The following PREX2 variants were observed in gnomAD, a reference collection of about 807,000 sequenced individuals.
The protein encoded by PREX2 is phosphatidylinositol 3,4,5-trisphosphate-dependent Rac exchanger 2 protein.
PREX2 carries 107 observed loss-of-function variants against 203.2 expected under a neutral mutation model. That is an observed-to-expected ratio of 0.53 (90% CI 0.45 to 0.62). PREX2 has a LOEUF of 0.62. Ranked by LOEUF, PREX2 falls within the 20% of genes least tolerant of loss-of-function variation. PREX2 has a pLI of 0.00. For missense variants in PREX2, 1,777 were observed against 1,955.9 expected (o/e 0.91, Z 1.72); for synonymous variants, 672 against 663.6 (o/e 1.01, Z -0.19).
intron 21 of PREX2, among the ~76,000 whole-genome samples, chr8:68,096,517 T>C (rs1331114496): frequency 6.6e-6 from 1 of 152,186 alleles, no homozygotes; most frequent in Non-Finnish European, 1.5e-5. Context: ...ATTTTCTCAA[T>C]GAGCCCTCTC....
intron 1 of PREX2, among the ~76,000 whole-genome samples, chr8:68,003,842 CTTTTTTT>C (rs148890144): frequency 3.3e-5 from 3 of 90,610 alleles, no homozygotes; most frequent in African/African-American, 4.3e-5. Context: ...CTGGCCTGAC[CTTTTTTT>C]TTTTTTTTTT....
intron 1 of PREX2, among the ~76,000 whole-genome samples, chr8:67,962,913 T>G (rs1055223828): frequency 6.6e-6 from 1 of 152,158 alleles, no homozygotes; most frequent in East Asian, 1.9e-4. Context: ...TGGCCAATTT[T>G]ATATATTTTA....
chr8:68,146,187 A>G (rs1414877764), intron 33 of PREX2, 22 bp from the exon 34 acceptor site: 1 of 1,564,144 alleles, frequency 6.4e-7, no homozygotes, highest in African/African-American at 1.4e-5. Context: ...AGGAAGTAAT[A>G]TACTATTAAA....
intron 37 of PREX2, among the ~76,000 whole-genome samples, chr8:68,194,216 T>C (rs13439155): frequency 0.11 from 16,010 of 152,264 alleles, 1,049 homozygotes; most frequent in Non-Finnish European, 0.13. Flanking sequence ...GTGCCAGCAC[T>C]GTTCTAGTTG....
At chr8:68,146,447 A>G in intron 34 of PREX2, 95 bp downstream of exon 34, 1 of 1,123,428 alleles carries the variant, frequency 8.9e-7, no homozygotes, top group Non-Finnish European at 1.3e-6. Flanking sequence ...GGATTTTTAA[A>G]TTAATTTGAA....
At chr8:68,111,748 C>A (rs573923928) in intron 25 of PREX2, among the ~76,000 whole-genome samples, 2 of 152,252 alleles carry the variant, frequency 1.3e-5, no homozygotes, top group African/African-American at 4.8e-5. Context: ...TAAAACAGTA[C>A]AATTATTTTA....
intron 35 of PREX2, among the ~76,000 whole-genome samples, chr8:68,189,738 C>A (rs1174288970): frequency 2.0e-5 from 3 of 152,144 alleles, no homozygotes; most frequent in Non-Finnish European, 4.4e-5. Flanking sequence ...CCCACACTCC[C>A]ATCAGTGTTA....
chr8:68,082,999 T>C (rs1434502656), intron 17 of PREX2: 2 of 363,702 alleles, frequency 5.5e-6, no homozygotes, highest in Non-Finnish European at 1.0e-5. Context: ...GGATGTTAAG[T>C]CAGGGAGGGA....
At chr8:68,161,097 C>CTT (rs536376762) in intron 35 of PREX2, among the ~76,000 whole-genome samples, 29 of 149,840 alleles carry the variant, frequency 1.9e-4, no homozygotes, top group African/African-American at 6.6e-4. Context: ...TTCTTTCTTT[C>CTT]TTTTTTTTTG....
intron 37 of PREX2, 62 bp downstream of exon 37, chr8:68,192,587 G>A: frequency 1.5e-6 from 2 of 1,355,570 alleles, no homozygotes; most frequent in Middle Eastern, 2.7e-4. Flanking sequence ...GATGGTTTTT[G>A]TTTACATTTT....
intron 1 of PREX2, among the ~76,000 whole-genome samples, chr8:67,994,590 C>G (rs1806710733): frequency 6.6e-6 from 1 of 152,042 alleles, no homozygotes. Context: ...CATAAAAGAA[C>G]AGTGGAGAAA....
At chr8:68,109,738 T>A (rs1321482885) in intron 25 of PREX2, 115 bp downstream of exon 25, 7 of 817,188 alleles carry the variant, frequency 8.6e-6, no homozygotes, top group Non-Finnish European at 1.4e-5. Flanking sequence ...AGATTTGTGC[T>A]GATTATATAG....
intron 25 of PREX2, among the ~76,000 whole-genome samples, chr8:68,114,113 C>A (rs936337914): frequency 2.0e-5 from 3 of 152,132 alleles, no homozygotes; most frequent in African/African-American, 7.2e-5. Context: ...CCACCCACCT[C>A]GGCCTCCCAA....
At chr8:68,166,027 T>C (rs922531116) in intron 35 of PREX2, among the ~76,000 whole-genome samples, 17 of 152,298 alleles carry the variant, frequency 1.1e-4, no homozygotes, top group Non-Finnish European at 2.1e-4. Flanking sequence ...AAACCTCTGC[T>C]ATAGACAGGG....
rs369074931 is a variant in PREX2, at chr8:68,190,868, T to C, written c.4347-854T>C. On this transcript the variant is annotated intron_variant, in intron 35 of 39. Transcript: ENST00000288368. ...TAACTATTTTATCTCCATAGATGAT[T>C]CCCTTAAAATTTCTGTTTAGTATCG... 1.6e-4 allele frequency among the ~76,000 whole-genome samples: 25 copies of C among 151,934 alleles called. 1 individual carries two copies. In the East Asian group the frequency reaches 4.4e-3, roughly 27 times the overall value.
At chr8:67,986,553 C>T (rs1806432823) in intron 1 of PREX2, among the ~76,000 whole-genome samples, 1 of 152,182 alleles carries the variant, frequency 6.6e-6, no homozygotes, top group African/African-American at 2.4e-5. Context: ...CCTCTGAGTC[C>T]TCTGTAATAC....
intron 35 of PREX2, among the ~76,000 whole-genome samples, chr8:68,168,337 G>T (rs140430770): frequency 2.1e-4 from 32 of 152,246 alleles, no homozygotes; most frequent in African/African-American, 6.7e-4. Context: ...TTAAAAAACA[G>T]AAATGTAATA....
At chr8:68,049,826 G>A (rs1315204926) in intron 8 of PREX2, among the ~76,000 whole-genome samples, 2 of 151,984 alleles carry the variant, frequency 1.3e-5, no homozygotes, top group Admixed American at 1.3e-4. Context: ...GCTTTAGTGA[G>A]GGTGTTCTTT....
chr8:68,160,182 A>G (rs144418656), intron 35 of PREX2, among the ~76,000 whole-genome samples: 1 of 152,164 alleles, frequency 6.6e-6, no homozygotes, highest in African/African-American at 2.4e-5. Context: ...ATGATCTCCA[A>G]GTAATCAGAA....
Sources: allele counts gnomAD v4.1 joint callset (sites outside exome capture counted in the v4.1 genomes callset), GRCh38; gene constraint gnomAD v4.1.1; transcripts MANE v1.5; gene names NCBI Gene and HGNC (gene_info 2026-07-23, HGNC 2026-07-21).